CDKAL1: variants seen among roughly 807,000 people sequenced by gnomAD.
CDKAL1 encodes the protein threonylcarbamoyladenosine tRNA methylthiotransferase.
CDKAL1 carries 32 observed loss-of-function variants against 68.2 expected under a neutral mutation model. The observed-to-expected ratio is 0.47, with a 90% CI of 0.35 to 0.63. The LOEUF (loss-of-function observed/expected upper bound fraction) is 0.63. Ranked by LOEUF, CDKAL1 falls within the 30% of genes least tolerant of loss-of-function variation. The pLI is 0.00. For missense variants in CDKAL1, 606 were observed against 696.7 expected, an observed-to-expected ratio of 0.87 and a Z score of 1.47; for synonymous variants, 234 against 244.3, an observed-to-expected ratio of 0.96 and a Z score of 0.39.
At chr6:21,220,205 T>C (rs1311846006) in intron 15 of CDKAL1, among the ~76,000 whole-genome samples, 8 of 147,274 alleles carry the variant, frequency 5.4e-5, no homozygotes, top group East Asian at 1.9e-4. Context: ...TGCGTGCGTG[T>C]GTGTGTGTGT....
At chr6:20,859,903 C>T (rs1036483435) in intron 9 of CDKAL1, among the ~76,000 whole-genome samples, 2 of 152,090 alleles carry the variant, frequency 1.3e-5, no homozygotes, top group African/African-American at 4.8e-5. Flanking sequence ...TTTCCTTTTC[C>T]TTGAGTGGTT....
Position 20,756,925 on chromosome 6 carries a change from C to CCTTCCT in CDKAL1, c.469-1670_469-1669insCTTCCT, listed in dbSNP as rs1561750830. Among the ~76,000 whole-genome samples the CCTTCCT allele has an allele frequency of 1.1e-3, 118 of 102,622 alleles. 8 individuals are homozygous for CCTTCCT. Among genetic ancestry groups the CCTTCCT allele is most frequent in the East Asian group, 6.7e-3 (18 of 2,678 alleles). 67.3% of individuals were successfully genotyped at this position (102,622 alleles called of 152,430 possible). On this transcript the variant is annotated intron_variant, in intron 6 of 15. Transcript: ENST00000274695. ...CTTCCTTCCTTCCTTCCTTCCTTCCCTCCTTCCCTTCCTTCCCTCCTTCCT... is the reference window on the plus strand; with the variant it reads ...CTTCCTTCCTTCCTTCCTTCCTTCCCCTTCCTTCCTTCCCTTCCTTCCCTCCTTCCT...
At chr6:20,633,912 A>G (rs1306481488) in intron 4 of CDKAL1, among the ~76,000 whole-genome samples, 1 of 152,180 alleles carries the variant, frequency 6.6e-6, no homozygotes, top group Non-Finnish European at 1.5e-5. Flanking sequence ...CTTTTTAATT[A>G]TGAAATTGGT....
At chr6:21,143,228 C>T (rs1434913525) in intron 13 of CDKAL1, among the ~76,000 whole-genome samples, 1 of 152,180 alleles carries the variant, frequency 6.6e-6, no homozygotes, top group African/African-American at 2.4e-5. Flanking sequence ...GCAGCAATAG[C>T]ATAAGTCAGT....
At chr6:20,869,862 T>C (rs9350294) in intron 9 of CDKAL1, among the ~76,000 whole-genome samples, 86,839 of 151,984 alleles carry the variant, frequency 0.57, 26,058 homozygotes, top group East Asian at 0.71. Flanking sequence ...GGCTGATTTT[T>C]TAATGCTGTA....
chr6:20,752,251 A>G (rs568179713), intron 6 of CDKAL1, among the ~76,000 whole-genome samples: 3 of 150,446 alleles, frequency 2.0e-5, no homozygotes, highest in African/African-American at 4.9e-5. Flanking sequence ...TTTTTTTTAA[A>G]TTTTACAGTT....
At chr6:20,736,165 A>G (rs2150319688) in intron 5 of CDKAL1, among the ~76,000 whole-genome samples, 1 of 119,304 alleles carries the variant, frequency 8.4e-6, no homozygotes. Flanking sequence ...GCTGTGGATT[A>G]GCAAACTATT....
chr6:21,093,473 C>T (rs1773149381), intron 12 of CDKAL1, among the ~76,000 whole-genome samples: 1 of 152,046 alleles, frequency 6.6e-6, no homozygotes, highest in Admixed American at 6.5e-5. Context: ...AGCGAAATCT[C>T]CAGGATGATG....
chr6:20,639,443 C>A (rs113353004), intron 4 of CDKAL1, among the ~76,000 whole-genome samples: 39 of 152,224 alleles, frequency 2.6e-4, no homozygotes, highest in Non-Finnish European at 4.6e-4. Context: ...CCTATCATTT[C>A]TCCTCTACTC....
chr6:20,889,017 T>G (rs2150574998), intron 9 of CDKAL1, among the ~76,000 whole-genome samples: 1 of 152,302 alleles, frequency 6.6e-6, no homozygotes, highest in South Asian at 2.1e-4. Flanking sequence ...TTTCTCCACA[T>G]CCTCTCCAGC....
At chr6:20,839,463 T>C (rs1023140820) in intron 8 of CDKAL1, among the ~76,000 whole-genome samples, 1 of 152,184 alleles carries the variant, frequency 6.6e-6, no homozygotes, top group Admixed American at 6.5e-5. Context: ...TTTAAGTGTG[T>C]TGCTCTGTGA....
intron 15 of CDKAL1, among the ~76,000 whole-genome samples, chr6:21,207,017 A>T (rs111984832): frequency 3.3e-5 from 5 of 150,894 alleles, no homozygotes; most frequent in African/African-American, 1.2e-4. Flanking sequence ...GGTTCAAGTG[A>T]TTCTCGTACC....
intron 11 of CDKAL1, among the ~76,000 whole-genome samples, chr6:21,037,408 A>G (rs1467697989): frequency 6.6e-6 from 1 of 152,206 alleles, no homozygotes; most frequent in Non-Finnish European, 1.5e-5. Context: ...CTTCATGGGA[A>G]CATAATATGT....
At chr6:20,750,952 A>G (rs924052826) in intron 6 of CDKAL1, among the ~76,000 whole-genome samples, 2 of 2,596 alleles carry the variant, frequency 7.7e-4, no homozygotes, top group Middle Eastern at 0.12. Context: ...CAACAGAGTG[A>G]AAAAAAAAAA....
chr6:20,779,118 G>A (rs1775305177), intron 7 of CDKAL1, among the ~76,000 whole-genome samples: 1 of 152,294 alleles, frequency 6.6e-6, no homozygotes, highest in East Asian at 1.9e-4. Flanking sequence ...TAGAATGGCT[G>A]TTATCATAAG....
Position 21,000,275 on chromosome 6 carries a change from A to G in CDKAL1, c.958A>G (p.Ile320Val). 1.2e-6 allele frequency: 2 copies of G among 1,614,040 alleles called. No individual in the cohort carries two copies. Among genetic ancestry groups the G allele is most frequent in the Non-Finnish European group, 1.7e-6 (2 of 1,179,908 alleles). ...NHPRVYAFLH[I>V]PVQSASDSVL... Reference sequence around the variant, plus strand: ...CCCCAGAGTCTACGCTTTTCTGCACATACCAGTCCAGTCTGCCTCCGACAG... The same window carrying G: ...CCCCAGAGTCTACGCTTTTCTGCACGTACCAGTCCAGTCTGCCTCCGACAG... Residue 320 changes from isoleucine (I) to valine (V), a missense_variant, in exon 11 of 16, where the codon ATA becomes GTA. Physicochemically the swap from Ile to Val is conservative, Grantham distance 29 (BLOSUM62 3). Coordinates refer to ENST00000274695, the MANE Select transcript of CDKAL1 (RefSeq NM_017774.3).
intron 4 of CDKAL1, among the ~76,000 whole-genome samples, chr6:20,585,844 C>T (rs1360039650): frequency 6.6e-6 from 1 of 151,904 alleles, no homozygotes; most frequent in Non-Finnish European, 1.5e-5. Context: ...CTTTTAGGTA[C>T]TTTCTCTATG....
At chr6:20,744,223 T>C (rs894325753) in intron 6 of CDKAL1, among the ~76,000 whole-genome samples, 3 of 152,208 alleles carry the variant, frequency 2.0e-5, no homozygotes, top group East Asian at 3.8e-4. Context: ...TCTTTTAGGC[T>C]AATTTGTTGG....
intron 13 of CDKAL1, among the ~76,000 whole-genome samples, chr6:21,152,887 G>A (rs1046115680): frequency 1.3e-5 from 2 of 152,120 alleles, no homozygotes; most frequent in African/African-American, 4.8e-5. Context: ...CAGTTTAGGC[G>A]GCCTTGCGCA....
Sources: gnomAD v4.1 joint callset for allele counts (sites outside exome capture counted in the v4.1 genomes callset) on GRCh38, gnomAD v4.1.1 for gene constraint, MANE v1.5 for transcripts, NCBI Gene and HGNC (gene_info 2026-07-23, HGNC 2026-07-21) for gene names.